NECAB1: variants seen among roughly 807,000 people sequenced by gnomAD.
The protein encoded by NECAB1 is N-terminal EF-hand calcium binding protein 1, also known as N-terminal EF-hand calcium-binding protein 1.
Under a neutral mutation model 57.5 loss-of-function variants are expected in NECAB1, and 29 were observed. The ratio of observed to expected loss-of-function variants is 0.50; its 90% CI spans 0.38 to 0.69. The LOEUF (loss-of-function observed/expected upper bound fraction) is 0.69, where lower values mean the gene tolerates loss of function less well. Ranked by LOEUF, NECAB1 falls within the 30% of genes least tolerant of loss-of-function variation. NECAB1 has a pLI of 0.00. For missense variants in NECAB1, 372 were observed against 413.8 expected, an observed-to-expected ratio of 0.90 and a Z score of 0.88; for synonymous variants, 142 against 147.7, an observed-to-expected ratio of 0.96 and a Z score of 0.28.
intron 3 of NECAB1, among the ~76,000 whole-genome samples, chr8:90,862,461 A>G (rs1312991080): frequency 6.6e-6 from 1 of 152,142 alleles, no homozygotes; most frequent in Non-Finnish European, 1.5e-5. Context: ...GGAGTTCTCA[A>G]TGGCAAGGTT....
intron 10 of NECAB1, among the ~76,000 whole-genome samples, chr8:90,943,576 T>C (rs972846856): frequency 2.0e-5 from 3 of 152,202 alleles, no homozygotes; most frequent in Non-Finnish European, 4.4e-5. Context: ...CCATCAGTCA[T>C]GCTCCAATGC....
intron 8 of NECAB1, among the ~76,000 whole-genome samples, chr8:90,930,719 T>G (rs1231072357): frequency 2.0e-5 from 3 of 152,220 alleles, no homozygotes; most frequent in African/African-American, 7.2e-5. Flanking sequence ...ACTAGCTTGC[T>G]GCAAATCAAC....
chr8:90,840,148 T>C (rs1372088476), intron 3 of NECAB1, among the ~76,000 whole-genome samples: 1 of 152,230 alleles, frequency 6.6e-6, no homozygotes, highest in East Asian at 1.9e-4. Context: ...TCAGTTTGCA[T>C]AGGCAATACA....
chr8:90,914,652 T>C (rs1809908963), intron 5 of NECAB1, among the ~76,000 whole-genome samples: 1 of 152,180 alleles, frequency 6.6e-6, no homozygotes, highest in Non-Finnish European at 1.5e-5. Flanking sequence ...GTTATCAAAC[T>C]CTCATCAGAG....
chr8:90,810,378 A>C (rs1811937236), intron 2 of NECAB1, among the ~76,000 whole-genome samples: 1 of 152,190 alleles, frequency 6.6e-6, no homozygotes, highest in Non-Finnish European at 1.5e-5. Flanking sequence ...AGTGCTCTTT[A>C]AATGCCGGAG....
intron 5 of NECAB1, among the ~76,000 whole-genome samples, chr8:90,889,008 T>A (rs1385236709): frequency 1.3e-5 from 2 of 152,196 alleles, no homozygotes; most frequent in Non-Finnish European, 2.9e-5. Flanking sequence ...AGCAGCCTAG[T>A]TTCTGACAGT....
intron 2 of NECAB1, among the ~76,000 whole-genome samples, chr8:90,815,717 G>T (rs1812051646): frequency 6.6e-6 from 1 of 151,940 alleles, no homozygotes; most frequent in South Asian, 2.1e-4. Flanking sequence ...GTTTTTCCAT[G>T]ACTTCATAGC....
At chr8:90,897,882 C>A (rs984667796) in intron 5 of NECAB1, among the ~76,000 whole-genome samples, 6 of 152,166 alleles carry the variant, frequency 3.9e-5, no homozygotes, top group African/African-American at 1.4e-4. Context: ...TCAGGACTTA[C>A]CTCCTGTAAG....
Position 90,917,603 on chromosome 8 carries a change from A to G in NECAB1, c.469A>G (p.Thr157Ala). The G allele has an allele frequency of 6.2e-7, 1 of 1,610,836 alleles. No homozygotes were observed. Among genetic ancestry groups the G allele is most frequent in the Non-Finnish European group, 8.5e-7 (1 of 1,178,112 alleles). ...QNSLECAMET[T>A]EEQTRQERQG... is the part of the protein sequence containing the mutation. Reference sequence around the variant, plus strand: ...TTCCCTGGAATGTGCCATGGAAACTACTGAGGAGCAAACCCGTCAAGAAAG... The same window carrying G: ...TTCCCTGGAATGTGCCATGGAAACTGCTGAGGAGCAAACCCGTCAAGAAAG... The change falls in exon 6 of 13, where the codon ACT becomes GCT. Residue 157 changes from threonine to alanine, a missense_variant. Transcript: ENST00000417640.
chr8:90,871,314 A>G (rs957086130), intron 3 of NECAB1, among the ~76,000 whole-genome samples: 3 of 152,304 alleles, frequency 2.0e-5, no homozygotes, highest in Middle Eastern at 3.4e-3. Flanking sequence ...GCATTTGCTA[A>G]TATGATCATT....
rs189321320 is a variant in NECAB1, at chr8:90,840,760, G to A, written c.233+15935G>A. Among the ~76,000 whole-genome samples the A allele has an allele frequency of 3.7e-3, 569 of 152,164 alleles. 2 individuals are homozygous for A. The highest frequency in any genetic ancestry group is 0.013 in the African/African-American group (527 of 41,522). On this transcript the variant is annotated intron_variant, in intron 3 of 12. Coordinates refer to ENST00000417640, the MANE Select transcript of NECAB1 (RefSeq NM_022351.5). Reference sequence around the variant, plus strand: ...TAACGCACAGTCATTGCTCATTGCCGGCTCTTGGGTTCACAACGGGAAAAT... The same window carrying A: ...TAACGCACAGTCATTGCTCATTGCCAGCTCTTGGGTTCACAACGGGAAAAT...
At chr8:90,951,445 A>G (rs1810923368) in intron 12 of NECAB1, among the ~76,000 whole-genome samples, 1 of 152,174 alleles carries the variant, frequency 6.6e-6, no homozygotes, top group Admixed American at 6.6e-5. Flanking sequence ...GTCATTTGCT[A>G]ATCATATTAA....
chr8:90,910,415 C>T (rs1373783079), intron 5 of NECAB1, among the ~76,000 whole-genome samples: 6 of 152,034 alleles, frequency 3.9e-5, no homozygotes, highest in Non-Finnish European at 7.4e-5. Context: ...TGAATTTTTT[C>T]AAAGGAAGTT....
chr8:90,900,280 T>C (rs185421833), intron 5 of NECAB1, among the ~76,000 whole-genome samples: 57 of 152,274 alleles, frequency 3.7e-4, no homozygotes, highest in Middle Eastern at 6.8e-3. Flanking sequence ...TCTTCCCACA[T>C]TGATCACTTT....
chr8:90,885,596 T>C (rs1307926705), intron 5 of NECAB1, among the ~76,000 whole-genome samples: 2 of 152,200 alleles, frequency 1.3e-5, no homozygotes, highest in Non-Finnish European at 2.9e-5. Context: ...CAAAAGGTAA[T>C]ATACACATTT....
At chr8:90,843,273 T>C (rs1812487707) in intron 3 of NECAB1, among the ~76,000 whole-genome samples, 1 of 152,198 alleles carries the variant, frequency 6.6e-6, no homozygotes, top group Non-Finnish European at 1.5e-5. Context: ...CAAGATGAGA[T>C]TTGGGTGAGG....
chr8:90,919,872 C>A (rs953092805), intron 6 of NECAB1, among the ~76,000 whole-genome samples: 1 of 152,114 alleles, frequency 6.6e-6, no homozygotes, highest in African/African-American at 2.4e-5. Context: ...TCTTCACCTG[C>A]GCTTTTGTTT....
At chr8:90,865,072 T>C (rs541639250) in intron 3 of NECAB1, among the ~76,000 whole-genome samples, 24 of 152,104 alleles carry the variant, frequency 1.6e-4, no homozygotes, top group African/African-American at 5.1e-4. Flanking sequence ...GGAGATGATG[T>C]TATAGAAGAA....
chr8:90,933,209 C>T (rs918531243), intron 8 of NECAB1, among the ~76,000 whole-genome samples: 2 of 152,106 alleles, frequency 1.3e-5, no homozygotes, highest in African/African-American at 4.8e-5. Context: ...CCATTTGATC[C>T]AGCAATTCCA....
Sources: allele counts gnomAD v4.1 joint callset (sites outside exome capture counted in the v4.1 genomes callset), GRCh38; gene constraint gnomAD v4.1.1; transcripts MANE v1.5; gene names NCBI Gene and HGNC (gene_info 2026-07-23, HGNC 2026-07-21).